The following DNAH10 variants were observed in gnomAD, a reference collection of about 807,000 sequenced individuals.
DNAH10 encodes axonemal beta dynein heavy chain 10.
DNAH10 carries 348 observed loss-of-function variants against 506.6 expected under a neutral mutation model. The observed-to-expected ratio is 0.69, with a 90% CI of 0.63 to 0.75. DNAH10 has a LOEUF of 0.75. DNAH10 is among the 30% of genes least tolerant of loss of function. The probability of loss-of-function intolerance (pLI) is 0.00; values close to 1 mark genes in which losing one functional copy is unlikely to be tolerated. For missense variants in DNAH10, 5,179 were observed against 5,787.1 expected (o/e 0.89, Z 3.41); for synonymous variants, 2,059 against 2,198.6 (o/e 0.94, Z 1.78).
chr12:123,781,714 C>T lies in DNAH10; in HGVS notation c.841+415C>T, dbSNP rs186627715. Among the ~76,000 whole-genome samples, 309 of 152,290 alleles carry T rather than the reference C, an allele frequency of 2.0e-3. 1 individual carries two copies. The highest frequency in any genetic ancestry group is 3.4e-3 in the Middle Eastern group (1 of 294). ...CTCCTGACTTCAAGTGATCCACCTACCTTGGCCTCTCAGAGTGCTGGGGTT... is the reference window on the plus strand; with the variant it reads ...CTCCTGACTTCAAGTGATCCACCTATCTTGGCCTCTCAGAGTGCTGGGGTT... On this transcript the variant is annotated intron_variant, in intron 6 of 78. Coordinates refer to ENST00000673944, the MANE Select transcript of DNAH10 (RefSeq NM_001372106.1).
intron 57 of DNAH10, among the ~76,000 whole-genome samples, chr12:123,904,730 TA>T (rs61464740): frequency 0.21 from 31,867 of 152,134 alleles, 3,378 homozygotes; most frequent in East Asian, 0.27. Flanking sequence ...TCTTCATTTG[TA>T]AAATGTGGAT....
chr12:123,871,429 A>C, intron 44 of DNAH10, 28 bp from the exon 45 acceptor site: 1 of 1,579,322 alleles, frequency 6.3e-7, no homozygotes, highest in African/African-American at 1.3e-5. Flanking sequence ...AGTTGCTGAG[A>C]TGCCCCTGTT....
intron 13 of DNAH10, among the ~76,000 whole-genome samples, chr12:123,797,825 C>T (rs1397241328): frequency 6.6e-6 from 1 of 152,212 alleles, no homozygotes; most frequent in African/African-American, 2.4e-5. Context: ...TGATCTCACC[C>T]CCCACCCATG....
Position 123,808,852 on chromosome 12 carries a change from G to A in DNAH10, c.3043G>A (p.Glu1015Lys). The A allele has an allele frequency of 1.9e-6, 3 of 1,614,098 alleles. No homozygotes were observed. In the East Asian group the frequency reaches 6.7e-5, roughly 36 times the overall value. The change falls in exon 19 of 79, where the codon GAA becomes AAA. Residue 1015 changes from glutamate to lysine, a missense_variant. This residue lies in a region of DNAH10 where 4,844 missense variants were observed against 5,430.5 expected (regional missense o/e 0.89). Coordinates refer to ENST00000673944, the MANE Select transcript of DNAH10 (RefSeq NM_001372106.1). Reference sequence around the variant, plus strand: ...TGGAAATGTCCCTCTGTTCCACACTGAAACCATTCTGACGGCACCTGAGAT... The same window carrying A: ...TGGAAATGTCCCTCTGTTCCACACTAAAACCATTCTGACGGCACCTGAGAT... ...ILGNVPLFHT[E>K]TILTAPEIIL...
At chr12:123,803,414 C>T (rs1414516585) in intron 16 of DNAH10, among the ~76,000 whole-genome samples, 2 of 152,052 alleles carry the variant, frequency 1.3e-5, no homozygotes, top group Admixed American at 6.6e-5. Context: ...CATGGTGCTC[C>T]AGCCAGGACC....
chr12:123,780,173 CTCTT>C (rs1459951273), intron 5 of DNAH10, among the ~76,000 whole-genome samples: 1 of 86,032 alleles, frequency 1.2e-5, no homozygotes, highest in Non-Finnish European at 2.2e-5. Context: ...CTCTCTCTCT[CTCTT>C]TCTTTCTGAG....
At position 123,803,673 on chromosome 12, in the gene DNAH10, A is replaced by G. The variant is rs769443618; in HGVS notation, c.2627A>G (p.Tyr876Cys). The change falls in exon 17 of 79, where the codon TAT becomes TGT. Residue 876 changes from tyrosine (Y) to cysteine (C), a missense_variant. Tyr to Cys is a radical substitution (Grantham distance 194). Coordinates refer to ENST00000673944, the MANE Select transcript of DNAH10 (RefSeq NM_001372106.1). Reference sequence around the variant, plus strand: ...TCTTTCTTCAAAGGTATCGGTGACTATATAACTGGTTGCAAACAGGCCATT... The same window carrying G: ...TCTTTCTTCAAAGGTATCGGTGACTGTATAACTGGTTGCAAACAGGCCATT... ...LNWNSLGIGD[Y>C]ITGCKQAIGK... 1 of 1,601,112 alleles carries G rather than the reference A, an allele frequency of 6.2e-7. No individual in the cohort carries two copies. The highest frequency in any genetic ancestry group is 8.5e-7 in the Non-Finnish European group (1 of 1,176,448).
intron 21 of DNAH10, among the ~76,000 whole-genome samples, chr12:123,818,405 C>G (rs1358009931): frequency 1.3e-5 from 2 of 152,042 alleles, no homozygotes; most frequent in African/African-American, 4.8e-5. Flanking sequence ...CTCACTGCAA[C>G]CTCTGCCTCC....
intron 7 of DNAH10, 67 bp downstream of exon 7, chr12:123,783,331 G>C (rs770053982): frequency 3.2e-5 from 50 of 1,574,424 alleles, no homozygotes; most frequent in Non-Finnish European, 4.2e-5. Context: ...GAAAGAGCCC[G>C]GAGTCTGGGG....
intron 36 of DNAH10, among the ~76,000 whole-genome samples, chr12:123,854,840 C>T (rs1176488580): frequency 6.6e-6 from 1 of 152,212 alleles, no homozygotes; most frequent in Non-Finnish European, 1.5e-5. Flanking sequence ...ATTAGAACCA[C>T]ATATTTGGAA....
intron 16 of DNAH10, 67 bp from the exon 17 acceptor site, chr12:123,803,594 G>T (rs746466455): frequency 7.1e-7 from 1 of 1,405,968 alleles, no homozygotes; most frequent in South Asian, 1.5e-5. Context: ...CATCACAGAC[G>T]TTGGTGGGGG....
chr12:123,848,995 C>T (rs1951061980), intron 34 of DNAH10, 113 bp downstream of exon 34: 6 of 1,281,932 alleles, frequency 4.7e-6, no homozygotes, highest in Non-Finnish European at 6.4e-6. Context: ...GACCAGGCTT[C>T]CTGTAGAAGA....
At chr12:123,918,561 A>G (rs1217487262) in intron 64 of DNAH10, 115 bp from the exon 65 acceptor site, 1 of 1,307,956 alleles carries the variant, frequency 7.6e-7, no homozygotes, top group African/African-American at 1.5e-5. Flanking sequence ...CAGTCCCTGG[A>G]TACTTTCAAA....
intron 51 of DNAH10, among the ~76,000 whole-genome samples, chr12:123,885,834 G>C (rs922325139): frequency 6.6e-6 from 1 of 151,872 alleles, no homozygotes; most frequent in Non-Finnish European, 1.5e-5. Context: ...CCAATTAATA[G>C]TAAAGTTTGA....
In DNAH10 at chr12:123,909,294, G is replaced by A. The variant is rs748094701; in HGVS notation, c.9849G>A (p.Thr3283=). Residue 3283 remains threonine, a synonymous_variant, in exon 58 of 79, where the codon ACG becomes ACA. Coordinates refer to ENST00000673944, the MANE Select transcript of DNAH10 (RefSeq NM_001372106.1). The surrounding 1 kb of genome is among the most constrained non-coding windows in gnomAD (Gnocchi z 5.4). ...SFAKPPKQVQ[T]VCECILIMKG... is the part of the protein sequence containing the mutation. ...CTAAGCCCCCGAAGCAGGTGCAGAC[G>A]GTCTGCGAATGCATCCTCATCATGA... The A allele has an allele frequency of 9.3e-6, 15 of 1,613,396 alleles. No individual in the cohort carries two copies. The highest frequency in any genetic ancestry group is 6.7e-5 in the East Asian group (3 of 44,878).
chr12:123,868,191 C>A, intron 43 of DNAH10, 72 bp downstream of exon 43: 1 of 1,310,916 alleles, frequency 7.6e-7, no homozygotes, highest in Non-Finnish European at 1.1e-6. Flanking sequence ...AGTGAATGAG[C>A]TTTTCCATAT....
rs562269303 is a variant in DNAH10, at chr12:123,807,292, C to A, written c.2988-1505C>A. Among the ~76,000 whole-genome samples the A allele has an allele frequency of 3.3e-5, 5 of 152,304 alleles. No individual in the cohort carries two copies. In the South Asian group the frequency reaches 1.0e-3, roughly 32 times the overall value. On this transcript the variant is annotated intron_variant, in intron 18 of 78. Coordinates refer to ENST00000673944, the MANE Select transcript of DNAH10 (RefSeq NM_001372106.1). ...TGTTGGATTAGACTCTGGTCACAGACAAGGCCCCTGTATCCTTGCAGTTTC... is the reference window on the plus strand; with the variant it reads ...TGTTGGATTAGACTCTGGTCACAGAAAAGGCCCCTGTATCCTTGCAGTTTC...
At chr12:123,807,220 C>T (rs1958714853) in intron 18 of DNAH10, among the ~76,000 whole-genome samples, 1 of 151,914 alleles carries the variant, frequency 6.6e-6, no homozygotes, top group African/African-American at 2.4e-5. Context: ...TCCATCCATC[C>T]ATCCATCCAT....
chr12:123,927,023 G>A, intron 69 of DNAH10: 1 of 621,930 alleles, frequency 1.6e-6, no homozygotes, highest in South Asian at 2.3e-5. Context: ...TCATGGTGCT[G>A]TGCTGTTTTC....
Sources: allele counts gnomAD v4.1 joint callset (sites outside exome capture counted in the v4.1 genomes callset), GRCh38; gene constraint gnomAD v4.1.1; regional missense constraint gnomAD v4.1.1; non-coding constraint Gnocchi (gnomAD v3.1); transcripts MANE v1.5; gene names NCBI Gene and HGNC (gene_info 2026-07-23, HGNC 2026-07-21).